The following KCNJ3 variants were observed in gnomAD, a reference collection of about 807,000 sequenced individuals.
KCNJ3 encodes potassium inwardly rectifying channel subfamily J member 3.
KCNJ3 carries 4 observed loss-of-function variants against 39.2 expected under a neutral mutation model. That is an observed-to-expected ratio of 0.10 (90% CI 0.05 to 0.23). The LOEUF is 0.23. Ranked by LOEUF, KCNJ3 falls within the 10% of genes least tolerant of loss-of-function variation. The probability of loss-of-function intolerance (pLI) is 1.00; values close to 1 mark genes in which losing one functional copy is unlikely to be tolerated. For missense variants in KCNJ3, 276 were observed against 634.9 expected (o/e 0.43, Z 6.08); for synonymous variants, 230 against 237.4 (o/e 0.97, Z 0.29).
intron 1 of KCNJ3, 150 bp from the exon 2 acceptor site, chr2:154,709,453 C>A: frequency 1.3e-6 from 1 of 759,522 alleles, no homozygotes; most frequent in Non-Finnish European, 2.1e-6. Context: ...GGCCCATTTG[C>A]TAGAACATAG....
chr2:154,798,846 A>G (rs1686763239), intron 2 of KCNJ3, among the ~76,000 whole-genome samples: 1 of 152,072 alleles, frequency 6.6e-6, no homozygotes, highest in Non-Finnish European at 1.5e-5. Context: ...ATTGATAGAA[A>G]ATTAACATTG....
chr2:154,808,683 A>G (rs1003486093), intron 2 of KCNJ3, among the ~76,000 whole-genome samples: 1 of 152,148 alleles, frequency 6.6e-6, no homozygotes, highest in African/African-American at 2.4e-5. Context: ...GGCATCCCAA[A>G]TTTAAAAACT....
chr2:154,710,258 C>A (rs1173712765), intron 2 of KCNJ3, among the ~76,000 whole-genome samples: 2 of 152,052 alleles, frequency 1.3e-5, no homozygotes, highest in Non-Finnish European at 2.9e-5. Context: ...CTATGTGCAA[C>A]CTCAGTGGAA....
intron 2 of KCNJ3, among the ~76,000 whole-genome samples, chr2:154,714,414 C>G (rs1415350413): frequency 6.6e-6 from 1 of 152,022 alleles, no homozygotes; most frequent in Non-Finnish European, 1.5e-5. Flanking sequence ...CTTCCTACTC[C>G]TCCTCGCTCC....
chr2:154,848,902 C>A (rs1286300842), intron 2 of KCNJ3, among the ~76,000 whole-genome samples: 4 of 152,110 alleles, frequency 2.6e-5, no homozygotes, highest in Non-Finnish European at 5.9e-5. Flanking sequence ...TTTATTGTGG[C>A]AAATCTGGTC....
chr2:154,855,727 A>C lies in KCNJ3; in HGVS notation c.*414A>C, dbSNP rs1414113945. ...CTTTCAGGGCGATAAAACTAAATAT[A>C]TGTCTGTGTGTGTGTGTGTATGTAT... On this transcript the variant is annotated 3_prime_UTR_variant, in exon 3 of 3. Transcript: ENST00000295101. The C allele has an allele frequency of 1.3e-5, 2 of 157,734 alleles. No individual in the cohort carries two copies. The highest frequency in any genetic ancestry group is 3.7e-4 in the East Asian group (2 of 5,354). The allele number at this position is 157,734 out of a possible 1,614,324, so 9.8% of individuals were successfully genotyped here. A position where few individuals can be genotyped will look rare whatever the true frequency, so the allele number is the denominator to read the frequency against.
intron 2 of KCNJ3, among the ~76,000 whole-genome samples, chr2:154,739,393 T>G (rs1288658630): frequency 2.0e-5 from 3 of 152,082 alleles, no homozygotes; most frequent in Non-Finnish European, 4.4e-5. Context: ...CTATTTAAGA[T>G]TCTTAGAATA....
chr2:154,835,053 T>C (rs1030197956), intron 2 of KCNJ3, among the ~76,000 whole-genome samples: 3 of 151,888 alleles, frequency 2.0e-5, no homozygotes, highest in African/African-American at 7.2e-5. Flanking sequence ...TTCCTTTTGA[T>C]TTGGCTTAAA....
intron 2 of KCNJ3, among the ~76,000 whole-genome samples, chr2:154,721,466 C>T (rs1180235145): frequency 6.6e-6 from 1 of 152,140 alleles, no homozygotes. Context: ...ACCAGTAGTA[C>T]AAATGCCAAT....
At chr2:154,755,298 G>A (rs1685918425) in intron 2 of KCNJ3, among the ~76,000 whole-genome samples, 1 of 151,630 alleles carries the variant, frequency 6.6e-6, no homozygotes, top group African/African-American at 2.4e-5. Context: ...TATTTGTTTA[G>A]CTTCTTGAGA....
Position 154,857,886 on chromosome 2 carries a change from C to CAAAAAAAAAAAAAAAAAAAAA in KCNJ3, c.*2594_*2614dup, listed in dbSNP as rs70983747. ...ACAGTGCGAGACTCCATCTCAACAT[C>CAAAAAAAAAAAAAAAAAAAAA]AAAAAAAAAAAAAAAAAAAAAAAAA... On this transcript the variant is annotated 3_prime_UTR_variant, in exon 3 of 3. Coordinates refer to ENST00000295101, the MANE Select transcript of KCNJ3 (RefSeq NM_002239.4). 4.1e-4 allele frequency: 17 copies of CAAAAAAAAAAAAAAAAAAAAA among 41,972 alleles called. 2 individuals carry two copies. The highest frequency in any genetic ancestry group is 4.9e-4 in the Non-Finnish European group (12 of 24,260). The allele number at this position is 41,972 out of a possible 1,614,324, so 2.6% of individuals were successfully genotyped here.
intron 2 of KCNJ3, among the ~76,000 whole-genome samples, chr2:154,769,198 C>T (rs1044551267): frequency 2.0e-5 from 3 of 152,094 alleles, no homozygotes; most frequent in Non-Finnish European, 4.4e-5. Flanking sequence ...TGCCTAATTG[C>T]CCTGGCCAGA....
At chr2:154,784,209 A>G (rs1218863287) in intron 2 of KCNJ3, among the ~76,000 whole-genome samples, 4 of 152,220 alleles carry the variant, frequency 2.6e-5, no homozygotes, top group African/African-American at 9.6e-5. Context: ...CAGAAATATT[A>G]TTTGTTATAA....
chr2:154,714,066 T>C (rs1685144257), intron 2 of KCNJ3, among the ~76,000 whole-genome samples: 2 of 152,318 alleles, frequency 1.3e-5, no homozygotes, highest in South Asian at 2.1e-4. Context: ...TCTTTCTCTT[T>C]CCTGGTGTCT....
At chr2:154,741,685 T>C (rs1685655913) in intron 2 of KCNJ3, among the ~76,000 whole-genome samples, 1 of 151,936 alleles carries the variant, frequency 6.6e-6, no homozygotes, top group South Asian at 2.1e-4. Context: ...AGGTTTATGA[T>C]GGCAGATTAA....
intron 2 of KCNJ3, among the ~76,000 whole-genome samples, chr2:154,838,450 C>T (rs1687507393): frequency 6.6e-6 from 1 of 152,096 alleles, no homozygotes; most frequent in African/African-American, 2.4e-5. Context: ...GTATCTTTAT[C>T]AGTCATATGA....
chr2:154,742,724 G>T (rs1685673157), intron 2 of KCNJ3, among the ~76,000 whole-genome samples: 1 of 151,722 alleles, frequency 6.6e-6, no homozygotes, highest in African/African-American at 2.4e-5. Context: ...TGGGTTGTTT[G>T]TTTTTTAATA....
In KCNJ3 at chr2:154,796,486, T is replaced by C. The variant is rs140502199; in HGVS notation, c.920-58241T>C. Among the ~76,000 whole-genome samples, 389 of 152,252 alleles carry C rather than the reference T, an allele frequency of 2.6e-3. 4 individuals are homozygous for C. Among genetic ancestry groups the C allele is most frequent in the African/African-American group, 8.7e-3 (363 of 41,560 alleles). On this transcript the variant is annotated intron_variant, in intron 2 of 2. Transcript: ENST00000295101. ...TTAAACACCTGACCACCTTACTAAA[T>C]GAAGCGATACCTTTTGGGCATTACT... is the stretch of plus-strand genomic sequence containing the variant.
intron 2 of KCNJ3, among the ~76,000 whole-genome samples, chr2:154,711,191 T>C (rs1357523735): frequency 2.0e-5 from 3 of 152,136 alleles, no homozygotes; most frequent in African/African-American, 7.2e-5. Context: ...CATAGTATTT[T>C]TTAAAATACC....
Sources: allele counts gnomAD v4.1 joint callset (sites outside exome capture counted in the v4.1 genomes callset), GRCh38; gene constraint gnomAD v4.1.1; transcripts MANE v1.5; gene names NCBI Gene and HGNC (gene_info 2026-07-23, HGNC 2026-07-21).